CSPG4: variants seen among roughly 807,000 people sequenced by gnomAD.
The protein encoded by CSPG4 is chondroitin sulfate proteoglycan 4 (melanoma-associated).
A neutral mutation model predicts 139.3 loss-of-function variants in CSPG4; 74 were observed. The observed-to-expected ratio is 0.53, with a 90% CI of 0.44 to 0.64. CSPG4 has a LOEUF of 0.64. CSPG4 is among the 30% of genes least tolerant of loss of function. The probability of loss-of-function intolerance (pLI) is 0.00; values close to 1 mark genes in which losing one functional copy is unlikely to be tolerated. For synonymous variants in CSPG4, 1,234 were observed against 1,394.2 expected (o/e 0.89, Z 2.56); for missense variants, 2,565 against 3,148.3 (o/e 0.81, Z 4.43).
chr15:75,704,921 C>T (rs1234743337), intron 1 of CSPG4, among the ~76,000 whole-genome samples: 1 of 152,222 alleles, frequency 6.6e-6, no homozygotes, highest in Non-Finnish European at 1.5e-5. Flanking sequence ...GCCCTGGCCT[C>T]CAGCCCCCAC....
At chr15:75,691,616 T>A (rs1894166039) in intron 2 of CSPG4, among the ~76,000 whole-genome samples, 1 of 152,100 alleles carries the variant, frequency 6.6e-6, no homozygotes, top group Non-Finnish European at 1.5e-5. Flanking sequence ...ATTTTTAAAT[T>A]AAAATTTAAA....
rs201598296 is a variant in CSPG4 at position 75,685,341 on chromosome 15, C to T, written c.4150G>A (p.Gly1384Arg). 6.1e-5 allele frequency: 98 copies of T among 1,608,010 alleles called. No individual in the cohort carries two copies. Among genetic ancestry groups the T allele is most frequent in the Middle Eastern group, 1.8e-4 (1 of 5,458 alleles). Residue 1384 changes from glycine (G) to arginine (R), a missense_variant, in exon 4 of 10, where the codon GGG becomes AGG. Gly to Arg is a moderately radical substitution (Grantham distance 125). Coordinates refer to ENST00000308508, the MANE Select transcript of CSPG4 (RefSeq NM_001897.5). The part of the protein sequence containing the change: ...TLAPPLLRVS[G>R]PYFPTLLGLS... ...CCCAGGAGAGTGGGGAAGTAGGGCCCGGAGACACGGAGCAGTGGAGGGGCC... is the reference window on the plus strand; with the variant it reads ...CCCAGGAGAGTGGGGAAGTAGGGCCTGGAGACACGGAGCAGTGGAGGGGCC...
rs1596015897 is a variant in CSPG4, at chr15:75,712,836, T to C, written c.-81A>G. Reference sequence around the variant, plus strand: ...GAGCTGAGTGGAGCGAGCGCGGCTCTGCTCCTGGGCGCGGGCCGGCTCCGG... The same window carrying C: ...GAGCTGAGTGGAGCGAGCGCGGCTCCGCTCCTGGGCGCGGGCCGGCTCCGG... On this transcript the variant is annotated 5_prime_UTR_variant, in exon 1 of 10. Coordinates refer to ENST00000308508, the MANE Select transcript of CSPG4 (RefSeq NM_001897.5). 1.0e-5 allele frequency: 13 copies of C among 1,253,236 alleles called. No individual in the cohort carries two copies. The East Asian group carries it at 3.3e-4, about 32-fold the overall frequency. 77.6% of individuals were successfully genotyped at this position (1,253,236 alleles called of 1,614,324 possible).
intron 1 of CSPG4, among the ~76,000 whole-genome samples, chr15:75,694,948 G>A (rs1409570232): frequency 6.6e-6 from 1 of 152,232 alleles, no homozygotes; most frequent in Non-Finnish European, 1.5e-5. Context: ...AGGGGTGGGG[G>A]CACATGGCCC....
rs930461138 is a variant in CSPG4, at chr15:75,698,096, G to A, written c.89-4863C>T. 1.3e-5 allele frequency among the ~76,000 whole-genome samples: 2 copies of A among 152,148 alleles called. No individual in the cohort carries two copies. The highest frequency in any genetic ancestry group is 2.9e-5 in the Non-Finnish European group (2 of 68,028). ...TGCTGCTGTGCACAGGAGTGAGGAG[G>A]GGATGCCCAGCCAGCCTGCTGGGGA... On this transcript the variant is annotated intron_variant, in intron 1 of 9. Transcript: ENST00000308508. The surrounding 1 kb of genome is among the most constrained non-coding windows in gnomAD (Gnocchi z 4.3).
At chr15:75,678,071 T>C (rs1001109624) in intron 8 of CSPG4, among the ~76,000 whole-genome samples, 185 bp from the exon 9 acceptor site, 1 of 152,198 alleles carries the variant, frequency 6.6e-6, no homozygotes, top group East Asian at 1.9e-4. Flanking sequence ...AGAGCTGGGC[T>C]CTGGAGCCGG....
chr15:75,685,455 C>T lies in CSPG4; in HGVS notation c.4036G>A (p.Gly1346Ser), dbSNP rs757111676. The T allele has an allele frequency of 3.1e-6, 5 of 1,612,414 alleles. No individual in the cohort carries two copies. The highest frequency in any genetic ancestry group is 1.1e-5 in the South Asian group (1 of 91,020). ...VASGLGAPLE[G>S]VLVELEVLPA... ...AGCACCTCCAGCTCCACAAGGACGC[C>T]CTCGAGGGGAGCACCCAGGCCTGAG... The change falls in exon 4 of 10, where the codon GGC becomes AGC. Residue 1346 changes from glycine (G) to serine (S), a missense_variant. Coordinates refer to ENST00000308508, the MANE Select transcript of CSPG4 (RefSeq NM_001897.5).
chr15:75,689,221 T>C lies in CSPG4; in HGVS notation c.1844A>G (p.Glu615Gly). The change falls in exon 3 of 10, where the codon GAG becomes GGG. Residue 615 changes from glutamate to glycine, a missense_variant. Physicochemically the swap from Glu to Gly is moderately conservative, Grantham distance 98. Transcript: ENST00000308508. ...RRDQPGEPAT[E>G]FSCRELEAGS... ...GGCCTCCAACTCCCGGCAGGAGAAC[T>C]CGGTCGCCGGCTCCCCAGGCTGGTC... 6.2e-7 allele frequency: 1 copy of C among 1,609,594 alleles called. No homozygotes were observed. The highest frequency in any genetic ancestry group is 8.5e-7 in the Non-Finnish European group (1 of 1,179,202).
chr15:75,682,438 C>T lies in CSPG4; in HGVS notation c.4805G>A (p.Ser1602Asn), dbSNP rs200695467. Residue 1602 changes from serine to asparagine, a missense_variant, in exon 8 of 10, where the codon AGT becomes AAT. By Grantham distance (46) the Ser-to-Asn change is conservative. This residue lies in a region of CSPG4 where 2,316 missense variants were observed against 2,818.2 expected (regional missense o/e 0.82). Coordinates refer to ENST00000308508, the MANE Select transcript of CSPG4 (RefSeq NM_001897.5). ...GCTGGAGCTGGCCCTGAGGGTCTGA[C>T]TGCTGAGTGGCTGGACGGACCCTGC... is the stretch of plus-strand genomic sequence containing the variant. ...VCPGSVQPLS[S>N]QTLRASSSAG... The T allele has an allele frequency of 3.8e-5, 60 of 1,586,652 alleles. No homozygotes were observed. Among genetic ancestry groups the T allele is most frequent in the Non-Finnish European group, 4.9e-5 (57 of 1,173,018 alleles).
At position 75,689,292 on chromosome 15, in the gene CSPG4, G is replaced by A. The variant is rs1377854901; in HGVS notation, c.1773C>T (p.Thr591=). 1.2e-6 allele frequency: 2 copies of A among 1,610,812 alleles called. No individual in the cohort carries two copies. The highest frequency in any genetic ancestry group is 1.7e-6 in the Non-Finnish European group (2 of 1,179,830). The change falls in exon 3 of 10, where the codon ACC becomes ACT. Residue 591 remains threonine (T), a synonymous_variant. Transcript: ENST00000308508. ...YDPDSACEGL[T]FQVLGTSSGL... ...CAGAGGAGGTGCCAAGGACCTGGAA[G>A]GTGAGGCCCTCACAGGCAGAGTCCG...
chr15:75,686,088 C>G (rs1260312696), intron 3 of CSPG4, among the ~76,000 whole-genome samples: 2 of 152,186 alleles, frequency 1.3e-5, no homozygotes, highest in African/African-American at 4.8e-5. Context: ...TGGGGTTTCA[C>G]TGGGTTGCCC....
Position 75,676,935 on chromosome 15 carries a change from C to A in CSPG4, c.5584G>T (p.Asp1862Tyr). The change falls in exon 10 of 10, where the codon GAC becomes TAC. Residue 1862 changes from aspartate to tyrosine, a missense_variant. Transcript: ENST00000308508. ...SRAQLSVVDPDSAPGEIEYEV... is the reference protein window; with the variant it reads ...SRAQLSVVDPYSAPGEIEYEV... ...TACTCAATCTCCCCAGGAGCTGAGT[C>A]TGGGTCCACCACACTCAGCTGGGCC... is the stretch of plus-strand genomic sequence containing the variant. 6.5e-7 allele frequency: 1 copy of A among 1,545,044 alleles called. No homozygotes were observed. Among genetic ancestry groups the A allele is most frequent in the Non-Finnish European group, 8.8e-7 (1 of 1,142,528 alleles).
chr15:75,683,450 G>T (rs1271012990), intron 5 of CSPG4, among the ~76,000 whole-genome samples: 1 of 152,212 alleles, frequency 6.6e-6, no homozygotes, highest in African/African-American at 2.4e-5. Flanking sequence ...CTCCGTGTGT[G>T]CCTGGCCGGG....
At chr15:75,678,119 A>G (rs1472868174) in intron 8 of CSPG4, among the ~76,000 whole-genome samples, 1 of 152,132 alleles carries the variant, frequency 6.6e-6, no homozygotes, top group Non-Finnish European at 1.5e-5. Flanking sequence ...ACCCTGGGGA[A>G]ATCGCCTAAT....
rs758335513 is a variant in CSPG4 at position 75,693,110 on chromosome 15, GC to G, written c.211del (p.Ala71LeufsTer24). 1.3e-6 allele frequency: 2 copies of G among 1,545,202 alleles called. No individual in the cohort carries two copies. Among genetic ancestry groups the G allele is most frequent in the Non-Finnish European group, 1.8e-6 (2 of 1,135,214 alleles). ...EALLLLAAGP[A>X]DHLLLQLYSG... ...GTAGAGCTGCAGCAGGAGGTGGTCA[GC>G]TGGGCCTGCTGCCAGGAGAAGGAGG... is the stretch of plus-strand genomic sequence containing the variant. On this transcript the variant is annotated frameshift_variant, in exon 2 of 10. Transcript: ENST00000308508. LOFTEE classifies it high-confidence loss of function.
At position 75,682,343 on chromosome 15, in the gene CSPG4, C is replaced by A; in HGVS notation, c.4900G>T (p.Ala1634Ser). 6.3e-7 allele frequency: 1 copy of A among 1,596,770 alleles called. No individual in the cohort carries two copies. Among genetic ancestry groups the A allele is most frequent in the Non-Finnish European group, 8.5e-7 (1 of 1,179,934 alleles). The change falls in exon 8 of 10, where the codon GCC becomes TCC. Residue 1634 changes from alanine (A) to serine (S), a missense_variant. Ala to Ser is a moderately conservative substitution (Grantham distance 99, BLOSUM62 1). This residue lies in a region of CSPG4 where 2,316 missense variants were observed against 2,818.2 expected (regional missense o/e 0.82). Transcript: ENST00000308508. ...RGPQLGRLFH[A>S]QQDSTGEALV... Reference sequence around the variant, plus strand: ...GCCTCCCCTGTGCTGTCCTGCTGGGCGTGGAACAGCCGGCCTAGCTGGGGG... The same window carrying A: ...GCCTCCCCTGTGCTGTCCTGCTGGGAGTGGAACAGCCGGCCTAGCTGGGGG...
rs777699734 is a variant in CSPG4 at position 75,712,700 on chromosome 15, G to C, written c.56C>G (p.Thr19Ser). The change falls in exon 1 of 10, where the codon ACC becomes AGC. Residue 19 changes from threonine (T) to serine (S), a missense_variant. By Grantham distance (58) the Thr-to-Ser change is moderately conservative (BLOSUM62 1). Coordinates refer to ENST00000308508, the MANE Select transcript of CSPG4 (RefSeq NM_001897.5). Reference protein sequence around the residue: ...LPAPGLALALTLTMLARLASA... With the variant: ...LPAPGLALALSLTMLARLASA... ...TGCAAGTCTGGCCAACATAGTCAGG[G>C]TCAAAGCCAAGGCCAGGCCGGGGGC... The C allele has an allele frequency of 3.3e-5, 51 of 1,565,846 alleles. 1 individual carries two copies. In the South Asian group the frequency reaches 6.0e-4, roughly 18 times the overall value.
intron 1 of CSPG4, among the ~76,000 whole-genome samples, chr15:75,702,786 C>T (rs562538252): frequency 1.3e-5 from 2 of 152,302 alleles, no homozygotes; most frequent in South Asian, 4.1e-4. Context: ...ATCCGAGCCC[C>T]TATTTATAGC....
At chr15:75,695,943 T>G (rs1285372357) in intron 1 of CSPG4, among the ~76,000 whole-genome samples, 1 of 151,842 alleles carries the variant, frequency 6.6e-6, no homozygotes, top group Non-Finnish European at 1.5e-5. Flanking sequence ...AAAAGTAGAA[T>G]GGGTCAAGCT....
Sources: gnomAD v4.1 joint callset for allele counts (sites outside exome capture counted in the v4.1 genomes callset) on GRCh38, gnomAD v4.1.1 for gene constraint, gnomAD v4.1.1 regional missense constraint, Gnocchi (gnomAD v3.1) non-coding constraint, MANE v1.5 for transcripts, NCBI Gene and HGNC (gene_info 2026-07-23, HGNC 2026-07-21) for gene names.